The following TLL1 variants were observed in gnomAD, a reference collection of about 807,000 sequenced individuals.
The protein encoded by TLL1 is tolloid like 1, also known as tolloid-like protein 1.
In TLL1, 49 loss-of-function variants were observed where a neutral mutation model predicts 128.2. The observed-to-expected ratio is 0.38, with a 90% CI of 0.30 to 0.48. TLL1 has a LOEUF of 0.48. TLL1 is among the 20% of genes least tolerant of loss of function. The pLI, the probability that TLL1 is intolerant of heterozygous loss-of-function variation, is 0.96. For synonymous variants in TLL1, 454 were observed against 418.8 expected (o/e 1.08, Z -1.03); for missense variants, 1,123 against 1,242.0 (o/e 0.90, Z 1.44).
intron 1 of TLL1, among the ~76,000 whole-genome samples, chr4:165,923,012 T>A (rs1733102520): frequency 6.6e-6 from 1 of 152,204 alleles, no homozygotes; most frequent in East Asian, 1.9e-4. Flanking sequence ...TGTACTTGTC[T>A]TGGAAACATT....
rs1560847992 is a variant in TLL1 at position 166,065,787 on chromosome 4, G to A, written c.2112G>A (p.Gln704=). The change falls in exon 16 of 21, where the codon CAG becomes CAA. Residue 704 remains glutamine (Q), a synonymous_variant. Coordinates refer to ENST00000061240, the MANE Select transcript of TLL1 (RefSeq NM_012464.5). ...GAEVPEVITS[Q]FNNMRIEFKS... ...AAGTGCCTGAAGTGATCACATCCCAGTTCAACAATATGAGAATTGAATTCA... is the reference window on the plus strand; with the variant it reads ...AAGTGCCTGAAGTGATCACATCCCAATTCAACAATATGAGAATTGAATTCA... 1.9e-6 allele frequency: 3 copies of A among 1,612,952 alleles called. No individual in the cohort carries two copies. Among genetic ancestry groups the A allele is most frequent in the African/African-American group, 1.3e-5 (1 of 74,906 alleles).
At position 166,014,425 on chromosome 4, in the gene TLL1, C is replaced by A. The variant is rs1560811459; in HGVS notation, c.918-11C>A. The stretch of plus-strand genomic sequence containing the variant: ...GTGACTTAGGTGTGGTTTGCTTCTG[C>A]TTTTTTTCAGGGGGATGTTTCTGGA... On this transcript the variant is annotated splice_polypyrimidine_tract_variant and intron_variant, in intron 7 of 20. Transcript: ENST00000061240. The A allele has an allele frequency of 6.2e-7, 1 of 1,611,676 alleles. No homozygotes were observed. The highest frequency in any genetic ancestry group is 1.1e-5 in the South Asian group (1 of 91,064).
At chr4:166,027,089 A>C (rs1738535355) in intron 9 of TLL1, among the ~76,000 whole-genome samples, 1 of 152,220 alleles carries the variant, frequency 6.6e-6, no homozygotes, top group African/African-American at 2.4e-5. Context: ...TCCTTGTAGC[A>C]ACATAGATGG....
At chr4:165,902,913 T>C (rs1732066293) in intron 1 of TLL1, among the ~76,000 whole-genome samples, 1 of 152,220 alleles carries the variant, frequency 6.6e-6, no homozygotes, top group Admixed American at 6.5e-5. Context: ...GGAGAAAATG[T>C]TTGTGACTTT....
rs1395950842 is a variant in TLL1 at position 165,951,661 on chromosome 4, A to G, written c.170-37720A>G. 3.9e-5 allele frequency among the ~76,000 whole-genome samples: 6 copies of G among 152,224 alleles called. No homozygotes were observed. In the East Asian group the frequency reaches 1.2e-3, roughly 29 times the overall value. ...TACTTATGTGGAGGAGAAGAATTTG[A>G]CTAAGTTGTGTATGACTTCAGGTCT... On this transcript the variant is annotated intron_variant, in intron 1 of 20. Coordinates refer to ENST00000061240, the MANE Select transcript of TLL1 (RefSeq NM_012464.5).
At chr4:165,971,103 TA>T (rs1735608958) in intron 1 of TLL1, among the ~76,000 whole-genome samples, 1 of 152,218 alleles carries the variant, frequency 6.6e-6, no homozygotes, top group South Asian at 2.1e-4. Flanking sequence ...AATAATTAAA[TA>T]AATTATTTAA....
At chr4:166,091,078 T>C (rs748879739) in intron 18 of TLL1, 50 bp from the exon 19 acceptor site, 4 of 1,476,628 alleles carry the variant, frequency 2.7e-6, no homozygotes, top group Admixed American at 3.9e-5. Context: ...TTATCTCATT[T>C]TGAGTGATTT....
At chr4:165,934,416 T>C (rs1733675164) in intron 1 of TLL1, among the ~76,000 whole-genome samples, 1 of 152,208 alleles carries the variant, frequency 6.6e-6, no homozygotes, top group South Asian at 2.1e-4. Flanking sequence ...ATCTCTTGCC[T>C]TTCATATGTG....
chr4:166,027,317 C>T (rs1738547327), intron 9 of TLL1, among the ~76,000 whole-genome samples: 1 of 151,932 alleles, frequency 6.6e-6, no homozygotes, highest in Non-Finnish European at 1.5e-5. Context: ...TTCTTATTTA[C>T]CTGGAAGAAC....
chr4:165,905,874 C>T (rs1450938514), intron 1 of TLL1, among the ~76,000 whole-genome samples: 1 of 152,088 alleles, frequency 6.6e-6, no homozygotes, highest in South Asian at 2.1e-4. Context: ...TGACTCATTT[C>T]CCAGTCCCTC....
chr4:165,976,034 CAAAAAAAAAAAA>C (rs1169297533), intron 1 of TLL1, among the ~76,000 whole-genome samples: 4 of 72,088 alleles, frequency 5.5e-5, no homozygotes, highest in East Asian at 1.3e-3. Flanking sequence ...GATTCCATCT[CAAAAAAAAAAAA>C]AAAAAAAAAA....
At chr4:165,877,608 T>A (rs1730772519) in intron 1 of TLL1, among the ~76,000 whole-genome samples, 1 of 152,136 alleles carries the variant, frequency 6.6e-6, no homozygotes, top group Admixed American at 6.6e-5. Flanking sequence ...TGGGCAAATT[T>A]AGTTTGTAAG....
intron 1 of TLL1, among the ~76,000 whole-genome samples, chr4:165,926,575 A>C (rs979731908): frequency 3.9e-5 from 6 of 152,168 alleles, no homozygotes; most frequent in Non-Finnish European, 7.3e-5. Context: ...TCTTAAGTAC[A>C]TTTTGGGTCT....
intron 1 of TLL1, among the ~76,000 whole-genome samples, chr4:165,911,404 G>A (rs559126594): frequency 1.7e-4 from 26 of 152,166 alleles, no homozygotes; most frequent in African/African-American, 5.3e-4. Flanking sequence ...GTATTTCATC[G>A]TGTATATATA....
chr4:165,953,256 G>A (rs1734612346), intron 1 of TLL1, among the ~76,000 whole-genome samples: 1 of 151,956 alleles, frequency 6.6e-6, no homozygotes, highest in Non-Finnish European at 1.5e-5. Context: ...TTTGTCCTTT[G>A]GTATTTATTG....
intron 12 of TLL1, among the ~76,000 whole-genome samples, chr4:166,051,327 T>TTCCTTCCTTCC (rs1560836757): frequency 2.0e-5 from 2 of 101,980 alleles, no homozygotes; most frequent in East Asian, 5.8e-4. Flanking sequence ...TCCTTCCTTC[T>TTCCTTCCTTCC]TTCCTTCCTC....
intron 19 of TLL1, among the ~76,000 whole-genome samples, chr4:166,093,570 G>A (rs930013972): frequency 1.3e-5 from 2 of 152,186 alleles, no homozygotes; most frequent in Non-Finnish European, 1.5e-5. Context: ...GCAGGCAGGA[G>A]ACAGTGGCTT....
intron 15 of TLL1, among the ~76,000 whole-genome samples, chr4:166,064,654 C>T (rs968008040): frequency 1.3e-5 from 2 of 152,046 alleles, no homozygotes; most frequent in South Asian, 2.1e-4. Flanking sequence ...CTTAAAACAT[C>T]ATTATTTTAT....
intron 1 of TLL1, among the ~76,000 whole-genome samples, chr4:165,897,662 C>CTTTTTTTTTTTTTTTTTTTTTT (rs951819686): frequency 2.1e-5 from 1 of 47,516 alleles, no homozygotes; most frequent in African/African-American, 9.0e-5. Context: ...GGTAGTCCAG[C>CTTTTTTTTTTTTTTTTTTTTTT]TTTTTTTTTT....
Sources: gnomAD v4.1 joint callset for allele counts (sites outside exome capture counted in the v4.1 genomes callset) on GRCh38, gnomAD v4.1.1 for gene constraint, MANE v1.5 for transcripts, NCBI Gene and HGNC (gene_info 2026-07-23, HGNC 2026-07-21) for gene names.